RYR3: variants seen among roughly 807,000 people sequenced by gnomAD.
The protein encoded by RYR3 is brain ryanodine receptor-calcium release channel.
Under a neutral mutation model 584.3 loss-of-function variants are expected in RYR3, and 207 were observed. The ratio of observed to expected loss-of-function variants is 0.35; its 90% confidence interval spans 0.32 to 0.40. The LOEUF (loss-of-function observed/expected upper bound fraction) is 0.40. Among genes scored for constraint, RYR3 ranks in the 10% least tolerant of loss-of-function variants. RYR3 has a pLI of 1.00. For synonymous variants in RYR3, 2,416 were observed against 2,248.5 expected (o/e 1.07, Z -2.11); for missense variants, 5,616 against 6,089.2 (o/e 0.92, Z 2.59).
intron 1 of RYR3, among the ~76,000 whole-genome samples, chr15:33,320,731 A>G (rs1482059518): frequency 6.6e-6 from 1 of 152,244 alleles, no homozygotes; most frequent in African/African-American, 2.4e-5. Context: ...GCAAGGATTA[A>G]ATGAGTTCAT....
In RYR3 at chr15:33,511,782, A is replaced by T. The variant is rs935174669; in HGVS notation, c.279+8044A>T. On this transcript the variant is annotated intron_variant, in intron 3 of 103. Transcript: ENST00000634891. ...AACATTGCAAGTTGTTTTCTTTTTA[A>T]TTTTTTATTTTTTTGAGACGGAGTC... Among the ~76,000 whole-genome samples the T allele has an allele frequency of 2.6e-5, 4 of 151,952 alleles. No homozygotes were observed. In the South Asian group the frequency reaches 6.2e-4, roughly 24 times the overall value.
intron 52 of RYR3, among the ~76,000 whole-genome samples, chr15:33,743,156 A>G (rs1173515811): frequency 6.6e-6 from 1 of 152,172 alleles, no homozygotes; most frequent in Non-Finnish European, 1.5e-5. Context: ...AAGCCACAGA[A>G]AACCACCTCC....
At chr15:33,483,440 G>A (rs907089140) in intron 2 of RYR3, among the ~76,000 whole-genome samples, 8 of 152,100 alleles carry the variant, frequency 5.3e-5, no homozygotes, top group African/African-American at 1.7e-4. Flanking sequence ...GCCCCCTGAG[G>A]AATATTGTAT....
Position 33,731,454 on chromosome 15 carries a change from TC to T in RYR3, c.7204-17del. ...TGTTCCTCAGGGCAATTAACCTGTG[TC>T]CCAATCTTCTTTCTCTAGGTTTCCC... is the stretch of plus-strand genomic sequence containing the variant. On this transcript the variant is annotated intron_variant, in intron 47 of 103. Transcript: ENST00000634891. 6.4e-7 allele frequency: 1 copy of T among 1,573,430 alleles called. No homozygotes were observed. The highest frequency in any genetic ancestry group is 1.1e-5 in the South Asian group (1 of 87,310).
chr15:33,479,223 A>C (rs1389108702), intron 2 of RYR3, among the ~76,000 whole-genome samples: 1 of 152,156 alleles, frequency 6.6e-6, no homozygotes, highest in Admixed American at 6.6e-5. Context: ...CTTTGGCTAA[A>C]AATAACTTAT....
chr15:33,494,930 A>G (rs2051288337), intron 2 of RYR3, among the ~76,000 whole-genome samples: 1 of 152,194 alleles, frequency 6.6e-6, no homozygotes, highest in Admixed American at 6.5e-5. Context: ...TAAAATCTGA[A>G]TATATACACA....
intron 85 of RYR3, among the ~76,000 whole-genome samples, chr15:33,830,221 C>G (rs928500728): frequency 6.6e-6 from 1 of 152,160 alleles, no homozygotes; most frequent in Admixed American, 6.5e-5. Flanking sequence ...GCAGTTAACA[C>G]TGTCTTATTT....
intron 43 of RYR3, among the ~76,000 whole-genome samples, chr15:33,708,611 A>C (rs1383384506): frequency 6.6e-6 from 1 of 152,224 alleles, no homozygotes; most frequent in African/African-American, 2.4e-5. Context: ...AAACTGGCCC[A>C]TCAATAGAAA....
At chr15:33,814,900 C>CAAAAAA (rs66623531) in intron 74 of RYR3, among the ~76,000 whole-genome samples, 4,805 of 91,542 alleles carry the variant, frequency 0.052, 208 homozygotes, top group Non-Finnish European at 0.076. Flanking sequence ...GACTCTGTCT[C>CAAAAAA]AAAAAAAAAA....
At chr15:33,327,132 A>G (rs1969814875) in intron 1 of RYR3, among the ~76,000 whole-genome samples, 1 of 152,206 alleles carries the variant, frequency 6.6e-6, no homozygotes. Context: ...ATAGAAGATG[A>G]TTCACCTTCT....
intron 47 of RYR3, 121 bp from the exon 48 acceptor site, chr15:33,731,353 C>G (rs986201055): frequency 9.1e-6 from 6 of 657,298 alleles, no homozygotes; most frequent in Admixed American, 2.4e-5. Context: ...TGTTCACTGC[C>G]TTGCTATGCA....
chr15:33,567,440 G>C (rs1293062899), intron 12 of RYR3, among the ~76,000 whole-genome samples: 2 of 152,076 alleles, frequency 1.3e-5, no homozygotes, highest in Non-Finnish European at 1.5e-5. Flanking sequence ...AAAGCCAAGG[G>C]GTATAAATTA....
chr15:33,733,443 A>C (rs1362601317), intron 48 of RYR3, among the ~76,000 whole-genome samples: 2 of 152,250 alleles, frequency 1.3e-5, no homozygotes, highest in Non-Finnish European at 2.9e-5. Context: ...TCAAGCAATG[A>C]AAATACATAG....
rs890974068 is a variant in RYR3, at chr15:33,728,944, G to T, written c.7121G>T (p.Gly2374Val). Reference protein sequence around the residue: ...PMVLFLDRVYGIKDQTFLLHL... With the variant: ...PMVLFLDRVYVIKDQTFLLHL... ...GTGCTGTTCTTGGACCGCGTTTATG[G>T]CATTAAGGATCAAACTTTTCTGCTC... Residue 2374 changes from glycine to valine, a missense_variant, in exon 47 of 104, where the codon GGC becomes GTC. Transcript: ENST00000634891. The T allele has an allele frequency of 6.2e-7, 1 of 1,613,870 alleles. No individual in the cohort carries two copies. The highest frequency in any genetic ancestry group is 8.5e-7 in the Non-Finnish European group (1 of 1,179,838).
intron 60 of RYR3, among the ~76,000 whole-genome samples, chr15:33,767,976 T>G (rs1339542115): frequency 3.3e-5 from 5 of 152,170 alleles, no homozygotes. Context: ...AGCTGAACCT[T>G]CAGTGGTTCC....
chr15:33,617,934 G>A (rs1455801127), intron 19 of RYR3, among the ~76,000 whole-genome samples: 1 of 152,068 alleles, frequency 6.6e-6, no homozygotes, highest in Non-Finnish European at 1.5e-5. Flanking sequence ...TTTGTTTATA[G>A]ACAGTATTGT....
chr15:33,836,812 A>C, intron 87 of RYR3, 94 bp from the exon 88 acceptor site: 1 of 916,654 alleles, frequency 1.1e-6, no homozygotes, highest in Non-Finnish European at 1.7e-6. Flanking sequence ...TGCAGCCTGC[A>C]CCTAACCTTT....
chr15:33,480,066 A>G (rs73382464), intron 2 of RYR3, among the ~76,000 whole-genome samples: 3,204 of 152,276 alleles, frequency 0.021, 121 homozygotes, highest in African/African-American at 0.07. Context: ...ACATGGTAAG[A>G]CTGGGGAGGA....
At chr15:33,600,247 T>C (rs1484202754) in intron 16 of RYR3, among the ~76,000 whole-genome samples, 1 of 152,150 alleles carries the variant, frequency 6.6e-6, no homozygotes. Flanking sequence ...GTGAGAATTA[T>C]GGATACAAAT....
Sources: allele counts gnomAD v4.1 joint callset (sites outside exome capture counted in the v4.1 genomes callset), GRCh38; gene constraint gnomAD v4.1.1; transcripts MANE v1.5; gene names NCBI Gene and HGNC (gene_info 2026-07-23, HGNC 2026-07-21).